Variants in SKIL observed in about 807,000 individuals in gnomAD.
The protein encoded by SKIL is ski-like protein.
A neutral mutation model predicts 69.6 loss-of-function variants in SKIL; 20 were observed. The observed-to-expected ratio is 0.29, with a 90% CI of 0.20 to 0.42. SKIL has a LOEUF of 0.42. SKIL is among the 10% of genes least tolerant of loss of function. The pLI is 1.00. For missense variants in SKIL, 745 were observed against 783.1 expected (o/e 0.95, Z 0.58); for synonymous variants, 310 against 279.9 (o/e 1.11, Z -1.08).
intron 2 of SKIL, among the ~76,000 whole-genome samples, chr3:170,365,871 T>G (rs1736481402): frequency 6.6e-6 from 1 of 150,490 alleles, no homozygotes; most frequent in South Asian, 2.1e-4. Flanking sequence ...TTCTCCTGCC[T>G]CAGCCTCCCA....
intron 4 of SKIL, among the ~76,000 whole-genome samples, chr3:170,385,804 T>C (rs12487040): frequency 0.33 from 49,746 of 150,796 alleles, 9,022 homozygotes; most frequent in East Asian, 0.55. Flanking sequence ...TTCTTTCTTT[T>C]TTTTCTTTTT....
intron 2 of SKIL, among the ~76,000 whole-genome samples, chr3:170,365,330 T>C (rs543224625): frequency 6.6e-6 from 1 of 152,282 alleles, no homozygotes; most frequent in South Asian, 2.1e-4. Context: ...ACTTTTCTTA[T>C]CAATTTACCT....
intron 4 of SKIL, among the ~76,000 whole-genome samples, chr3:170,387,912 C>A (rs1420875658): frequency 9.9e-6 from 1 of 101,410 alleles, no homozygotes; most frequent in Admixed American, 1.7e-4. Context: ...CCAGCCTGGG[C>A]GACAGAGCGA....
At position 170,365,752 on chromosome 3, in the gene SKIL, C is replaced by CTTTTTTTTT. The variant is rs59222162; in HGVS notation, c.1098+4336_1098+4344dup. 4.3e-4 allele frequency among the ~76,000 whole-genome samples: 46 copies of CTTTTTTTTT among 106,448 alleles called. 3 individuals are homozygous for CTTTTTTTTT. The highest frequency in any genetic ancestry group is 1.5e-3 in the African/African-American group (38 of 25,212). The allele number at this position is 106,448 out of a possible 152,430, so 69.8% of individuals were successfully genotyped here. A position where few individuals can be genotyped will look rare whatever the true frequency, so the allele number is the denominator to read the frequency against. On this transcript the variant is annotated intron_variant, in intron 2 of 6. Coordinates refer to ENST00000259119, the MANE Select transcript of SKIL (RefSeq NM_005414.5). The stretch of plus-strand genomic sequence containing the variant: ...GCTCATTTTAAAAAGTCAAACTAGG[C>CTTTTTTTTT]TTTTTTTTTTTTTTTTTTTTTGAGA...
intron 2 of SKIL, among the ~76,000 whole-genome samples, chr3:170,367,397 G>A (rs534478684): frequency 4.3e-4 from 63 of 147,558 alleles, no homozygotes; most frequent in African/African-American, 1.3e-3. Flanking sequence ...GCGCCTGGCC[G>A]ATTCTTCCCT....
At chr3:170,379,710 C>G (rs1230671286) in intron 2 of SKIL, among the ~76,000 whole-genome samples, 3 of 152,114 alleles carry the variant, frequency 2.0e-5, no homozygotes, top group African/African-American at 7.2e-5. Flanking sequence ...GTGGCATGAT[C>G]TTGGCTCACT....
intron 2 of SKIL, among the ~76,000 whole-genome samples, chr3:170,366,624 G>C (rs922144982): frequency 3.3e-5 from 5 of 151,976 alleles, no homozygotes; most frequent in Non-Finnish European, 7.4e-5. Context: ...AGTGAGCCGA[G>C]TTCACACTGC....
chr3:170,368,715 T>C (rs1312890504), intron 2 of SKIL, among the ~76,000 whole-genome samples: 2 of 152,232 alleles, frequency 1.3e-5, no homozygotes, highest in African/African-American at 4.8e-5. Context: ...ATGTATCTCA[T>C]TTATAGTTTT....
At chr3:170,359,366 C>T (rs1736102247) in intron 1 of SKIL, among the ~76,000 whole-genome samples, 1 of 152,110 alleles carries the variant, frequency 6.6e-6, no homozygotes, top group East Asian at 1.9e-4. Flanking sequence ...GAGGCCCGGG[C>T]GGGCGGATCA....
At position 170,383,841 on chromosome 3, in the gene SKIL, A is replaced by AAGGG. The variant is rs1274222684; in HGVS notation, c.1197-691_1197-688dup. ...CCAAAGCAAAGATTCCCTGCTTTGG[A>AAGGG]AGGGTGGTGGGCAAGATAAAGTCCT... On this transcript the variant is annotated intron_variant, in intron 3 of 6. Coordinates refer to ENST00000259119, the MANE Select transcript of SKIL (RefSeq NM_005414.5). 5.3e-5 allele frequency among the ~76,000 whole-genome samples: 8 copies of AAGGG among 152,144 alleles called. No individual in the cohort carries two copies. The East Asian group carries it at 1.4e-3, about 26-fold the overall frequency.
At chr3:170,376,602 G>A (rs914840379) in intron 2 of SKIL, among the ~76,000 whole-genome samples, 51 of 152,086 alleles carry the variant, frequency 3.4e-4, no homozygotes, top group African/African-American at 1.2e-3. Context: ...ACGAGACAGG[G>A]TCTGGCTCTG....
At chr3:170,366,692 C>CAG (rs1553852236) in intron 2 of SKIL, among the ~76,000 whole-genome samples, 12 of 64,584 alleles carry the variant, frequency 1.9e-4, no homozygotes, top group Admixed American at 3.6e-4. Flanking sequence ...CACACACACA[C>CAG]ACAGACACAC....
In SKIL at chr3:170,386,374, C is replaced by A. The variant is rs572927448; in HGVS notation, c.1429+1609C>A. Among the ~76,000 whole-genome samples the A allele has an allele frequency of 3.7e-4, 56 of 152,250 alleles. 1 individual carries two copies. Among genetic ancestry groups the A allele is most frequent in the African/African-American group, 1.3e-3 (55 of 41,556 alleles). On this transcript the variant is annotated intron_variant, in intron 4 of 6. Transcript: ENST00000259119. ...CGAACTCCTGACCTCAGGTGATCCG[C>A]CTGCCTCGGCCTCCCAAAGTGCTGG... is the stretch of plus-strand genomic sequence containing the variant.
Position 170,392,344 on chromosome 3 carries a change from G to C in SKIL, c.1982G>C (p.Arg661Thr). The change falls in exon 7 of 7, where the codon AGA (arginine) becomes ACA (threonine). Residue 661 changes from arginine to threonine, a missense_variant. Coordinates refer to ENST00000259119, the MANE Select transcript of SKIL (RefSeq NM_005414.5). The stretch of plus-strand genomic sequence containing the variant: ...GAACTCAGACAGGAACGGGAAGCAA[G>C]ACAGAAGTTAGAGATGATGATAAAA... ...QDELRQEREA[R>T]QKLEMMIKEL... is the part of the protein sequence containing the mutation. The C allele has an allele frequency of 6.2e-7, 1 of 1,613,152 alleles. No individual in the cohort carries two copies. Among genetic ancestry groups the C allele is most frequent in the Non-Finnish European group, 8.5e-7 (1 of 1,179,188 alleles).
chr3:170,386,391 A>G (rs1051994325), intron 4 of SKIL, among the ~76,000 whole-genome samples: 12 of 152,070 alleles, frequency 7.9e-5, no homozygotes, highest in Non-Finnish European at 1.8e-4. Context: ...CGGCCTCCCA[A>G]AGTGCTGGGA....
chr3:170,382,990 G>A lies in SKIL; in HGVS notation c.1197-1543G>A, dbSNP rs149378052. Among the ~76,000 whole-genome samples the A allele has an allele frequency of 3.3e-5, 5 of 152,266 alleles. No individual in the cohort carries two copies. The East Asian group carries it at 7.7e-4, about 24-fold the overall frequency. On this transcript the variant is annotated intron_variant, in intron 3 of 6. Coordinates refer to ENST00000259119, the MANE Select transcript of SKIL (RefSeq NM_005414.5). Reference sequence around the variant, plus strand: ...TGCCATCAGCCTCCCAAAGTGCTGGGATTACAGGTATGAGTCACTGCACCC... The same window carrying A: ...TGCCATCAGCCTCCCAAAGTGCTGGAATTACAGGTATGAGTCACTGCACCC...
At chr3:170,373,803 A>T (rs952082862) in intron 2 of SKIL, among the ~76,000 whole-genome samples, 3 of 152,138 alleles carry the variant, frequency 2.0e-5, no homozygotes, top group African/African-American at 7.2e-5. Flanking sequence ...AGGCACGAGG[A>T]TCCCTTGAGC....
At chr3:170,362,514 A>G (rs558096147) in intron 2 of SKIL, among the ~76,000 whole-genome samples, 14 of 119,584 alleles carry the variant, frequency 1.2e-4, no homozygotes, top group Admixed American at 8.7e-4. Context: ...ACAAAACAAA[A>G]CAAACAAACA....
intron 4 of SKIL, among the ~76,000 whole-genome samples, chr3:170,386,046 C>A (rs185233478): frequency 6.6e-6 from 1 of 151,712 alleles, no homozygotes; most frequent in East Asian, 1.9e-4. Context: ...CCTGCCTCGG[C>A]CTCCCAACCA....
Sources: gnomAD v4.1 joint callset for allele counts (sites outside exome capture counted in the v4.1 genomes callset) on GRCh38, gnomAD v4.1.1 for gene constraint, MANE v1.5 for transcripts, NCBI Gene and HGNC (gene_info 2026-07-23, HGNC 2026-07-21) for gene names.